The following APPBP2 variants were observed in gnomAD, a reference collection of about 807,000 sequenced individuals.
APPBP2 encodes amyloid protein-binding protein 2.
Under a neutral mutation model 76.0 loss-of-function variants are expected in APPBP2, and 15 were observed. The ratio of observed to expected loss-of-function variants is 0.20; its 90% CI spans 0.13 to 0.30. The LOEUF (loss-of-function observed/expected upper bound fraction) is 0.30. Ranked by LOEUF, APPBP2 falls within the 10% of genes least tolerant of loss-of-function variation. APPBP2 has a pLI of 1.00. For missense variants in APPBP2, 401 were observed against 687.2 expected (o/e 0.58, Z 4.66); for synonymous variants, 222 against 242.2 (o/e 0.92, Z 0.77).
chr17:60,467,611 C>T (rs78051992), intron 4 of APPBP2, among the ~76,000 whole-genome samples: 12,519 of 152,084 alleles, frequency 0.082, 1,704 homozygotes, highest in African/African-American at 0.28. Flanking sequence ...AGATAAAATA[C>T]GTAAGACTTT....
intron 9 of APPBP2, among the ~76,000 whole-genome samples, chr17:60,458,191 T>C (rs1295291007): frequency 6.6e-6 from 1 of 152,270 alleles, no homozygotes; most frequent in East Asian, 1.9e-4. Context: ...CTCAGCACTT[T>C]AGGAGGCCAA....
At chr17:60,490,103 A>G (rs552058821) in intron 3 of APPBP2, among the ~76,000 whole-genome samples, 2 of 152,194 alleles carry the variant, frequency 1.3e-5, no homozygotes, top group Non-Finnish European at 2.9e-5. Context: ...TGGTGATCAA[A>G]TAGTACTGTA....
At chr17:60,469,076 C>T (rs986011675) in intron 4 of APPBP2, among the ~76,000 whole-genome samples, 1 of 151,946 alleles carries the variant, frequency 6.6e-6, no homozygotes, top group African/African-American at 2.4e-5. Flanking sequence ...CTAGTTTATC[C>T]CAGCACTTTG....
intron 1 of APPBP2, among the ~76,000 whole-genome samples, chr17:60,510,796 A>G (rs541533631): frequency 7.9e-4 from 121 of 152,326 alleles, no homozygotes; most frequent in African/African-American, 2.6e-3. Context: ...TGTACTTTAT[A>G]CCTTACATTT....
chr17:60,470,570 C>T (rs1270577213), intron 4 of APPBP2, among the ~76,000 whole-genome samples: 1 of 151,570 alleles, frequency 6.6e-6, no homozygotes, highest in African/African-American at 2.4e-5. Context: ...CCAGCCTGCT[C>T]TTTATTAATT....
In APPBP2 at chr17:60,480,262, A is replaced by G. The variant is rs188878167; in HGVS notation, c.380-991T>C. ...GTGGCGAGTGCCTGTAGTCCCAGCT[A>G]CTCAGGAGGCTGGGGTGGGAGAATG... is the stretch of plus-strand genomic sequence containing the variant. On this transcript the variant is annotated intron_variant, in intron 3 of 12. Coordinates refer to ENST00000083182, the MANE Select transcript of APPBP2 (RefSeq NM_006380.5). Among the ~76,000 whole-genome samples the G allele has an allele frequency of 2.8e-3, 421 of 151,742 alleles. 6 individuals are homozygous for G. Among genetic ancestry groups the G allele is most frequent in the African/African-American group, 9.7e-3 (397 of 41,046 alleles).
chr17:60,466,014 G>C (rs998864923), intron 5 of APPBP2, among the ~76,000 whole-genome samples: 42 of 152,004 alleles, frequency 2.8e-4, no homozygotes, highest in Non-Finnish European at 1.0e-4. Context: ...ATTTTCTATA[G>C]AGGCAGGGTC....
chr17:60,491,601 G>A (rs1041841211), intron 3 of APPBP2, among the ~76,000 whole-genome samples: 5 of 151,812 alleles, frequency 3.3e-5, no homozygotes, highest in African/African-American at 9.7e-5. Flanking sequence ...CCCGCCAACA[G>A]GCCCGGCTAG....
intron 11 of APPBP2, among the ~76,000 whole-genome samples, chr17:60,452,554 G>A (rs1210521578): frequency 6.6e-6 from 1 of 152,100 alleles, no homozygotes; most frequent in Non-Finnish European, 1.5e-5. Context: ...CTAATTGAGG[G>A]ATATACAGGT....
intron 4 of APPBP2, among the ~76,000 whole-genome samples, chr17:60,475,971 A>AT (rs946890727): frequency 2.4e-4 from 36 of 152,272 alleles, no homozygotes; most frequent in African/African-American, 8.7e-4. Context: ...TGCGGGTGTG[A>AT]TTTTAAGTTT....
intron 3 of APPBP2, among the ~76,000 whole-genome samples, chr17:60,483,377 C>T (rs2090646697): frequency 6.6e-6 from 1 of 151,880 alleles, no homozygotes; most frequent in Non-Finnish European, 1.5e-5. Context: ...TTCTGTAGGT[C>T]GCCTGTTCAC....
chr17:60,486,990 ATTCTT>A (rs1335318319), intron 3 of APPBP2, among the ~76,000 whole-genome samples: 1 of 152,136 alleles, frequency 6.6e-6, no homozygotes, highest in Non-Finnish European at 1.5e-5. Context: ...TGGGTTGAAA[ATTCTT>A]TTCTTTAAGA....
At chr17:60,449,950 C>T (rs1308279286) in intron 12 of APPBP2, among the ~76,000 whole-genome samples, 1 of 151,728 alleles carries the variant, frequency 6.6e-6, no homozygotes, top group Non-Finnish European at 1.5e-5. Flanking sequence ...GCGTACTGTA[C>T]CACGCCCGGC....
chr17:60,472,612 T>C (rs185533648), intron 4 of APPBP2, among the ~76,000 whole-genome samples: 85 of 152,330 alleles, frequency 5.6e-4, no homozygotes, highest in Middle Eastern at 3.4e-3. Flanking sequence ...GTGAGAGTGT[T>C]TCTTCTGCTA....
At position 60,526,031 on chromosome 17, in the gene APPBP2, G is replaced by A. The variant is rs1598381755; in HGVS notation, c.-100C>T. ...CTGCGGCCCCGGAGGATTCGGAGGG[G>A]CGGTGGCAGCCACGCGGGCGCACGG... On this transcript the variant is annotated 5_prime_UTR_variant, in exon 1 of 13. Transcript: ENST00000083182. The A allele has an allele frequency of 1.6e-6, 2 of 1,249,764 alleles. No homozygotes were observed. The highest frequency in any genetic ancestry group is 2.6e-5 in the East Asian group (1 of 38,544). 77.4% of individuals were successfully genotyped at this position (1,249,764 alleles called of 1,614,324 possible). A position where few individuals can be genotyped will look rare whatever the true frequency, so the allele number is the denominator to read the frequency against.
chr17:60,513,380 C>T, intron 1 of APPBP2: 1 of 665,504 alleles, frequency 1.5e-6, no homozygotes, highest in Non-Finnish European at 2.8e-6. Context: ...ATGAAGACAT[C>T]TTTGTTGCCA....
At chr17:60,449,207 G>A (rs2090372484) in intron 12 of APPBP2, among the ~76,000 whole-genome samples, 1 of 152,200 alleles carries the variant, frequency 6.6e-6, no homozygotes, top group Admixed American at 6.5e-5. Flanking sequence ...CTTGAGGAAT[G>A]AGCAAGTCAG....
chr17:60,521,025 G>C (rs925880356), intron 1 of APPBP2, among the ~76,000 whole-genome samples: 3 of 152,116 alleles, frequency 2.0e-5, no homozygotes, highest in African/African-American at 7.2e-5. Flanking sequence ...CCAACTTCTG[G>C]GCTCAAACCA....
chr17:60,452,984 A>G (rs558798209), intron 11 of APPBP2, among the ~76,000 whole-genome samples: 158 of 152,308 alleles, frequency 1.0e-3, no homozygotes, highest in South Asian at 7.9e-3. Context: ...AGTTAGTCAT[A>G]TTTATTGCTA....
Sources: gnomAD v4.1 joint callset for allele counts (sites outside exome capture counted in the v4.1 genomes callset) on GRCh38, gnomAD v4.1.1 for gene constraint, MANE v1.5 for transcripts, NCBI Gene and HGNC (gene_info 2026-07-23, HGNC 2026-07-21) for gene names.